The following TET1 variants were observed in gnomAD, a reference collection of about 807,000 sequenced individuals.
The protein encoded by TET1 is tet methylcytosine dioxygenase 1.
In TET1, 13 loss-of-function variants were observed where a neutral mutation model predicts 148.7. The observed-to-expected ratio is 0.09, with a 90% CI of 0.06 to 0.14. The LOEUF is 0.14. Among genes scored for constraint, TET1 ranks in the 10% least tolerant of loss-of-function variants. TET1 has a pLI of 1.00. For synonymous variants in TET1, 907 were observed against 937.2 expected (o/e 0.97, Z 0.59); for missense variants, 2,182 against 2,553.8 (o/e 0.85, Z 3.14).
chr10:68,632,372 T>C, intron 3 of TET1: 1 of 1,599,636 alleles, frequency 6.3e-7, no homozygotes, highest in Non-Finnish European at 8.6e-7. Context: ...GTAGTCCTCA[T>C]GGCCTCCACG....
chr10:68,658,209 T>G (rs1475066301), intron 6 of TET1, among the ~76,000 whole-genome samples: 1 of 152,164 alleles, frequency 6.6e-6, no homozygotes, highest in Non-Finnish European at 1.5e-5. Context: ...TTTTTTTAAG[T>G]TGTGTTTCTC....
At chr10:68,571,495 A>C (rs1225997148) in intron 1 of TET1, among the ~76,000 whole-genome samples, 1 of 148,610 alleles carries the variant, frequency 6.7e-6, no homozygotes, top group African/African-American at 2.5e-5. Context: ...TGGCCAGGCT[A>C]GTCTGAAACT....
chr10:68,667,658 G>T (rs921554049), intron 7 of TET1, among the ~76,000 whole-genome samples: 5 of 151,862 alleles, frequency 3.3e-5, no homozygotes, highest in Non-Finnish European at 7.4e-5. Context: ...GCAGGAGAAT[G>T]GTGTGAATCC....
At chr10:68,652,451 T>TACAG in intron 5 of TET1, 50 bp from the exon 6 acceptor site, 1 of 1,380,454 alleles carries the variant, frequency 7.2e-7, no homozygotes, top group Non-Finnish European at 1.0e-6. Flanking sequence ...AGCCTTCAAG[T>TACAG]ACAGATTGCA....
At chr10:68,654,590 C>T (rs1007325839) in intron 6 of TET1, among the ~76,000 whole-genome samples, 2 of 152,176 alleles carry the variant, frequency 1.3e-5, no homozygotes, top group Non-Finnish European at 2.9e-5. Context: ...GCACTCCAGC[C>T]TGGGAGACAG....
chr10:68,565,769 T>C (rs2053601619), intron 1 of TET1, among the ~76,000 whole-genome samples: 1 of 152,074 alleles, frequency 6.6e-6, no homozygotes, highest in Admixed American at 6.6e-5. Context: ...GAAGTTTATG[T>C]TTCAATAGTG....
chr10:68,652,729 C>T (rs918457141), intron 6 of TET1, 135 bp downstream of exon 6: 2 of 600,374 alleles, frequency 3.3e-6, no homozygotes, highest in Non-Finnish European at 5.3e-6. Context: ...GGCTTTGTCG[C>T]CCCGGCTGGA....
rs537751527 is a variant in TET1, at chr10:68,643,882, C to T, written c.1969-816C>T. On this transcript the variant is annotated intron_variant, in intron 3 of 11. Coordinates refer to ENST00000373644, the MANE Select transcript of TET1 (RefSeq NM_030625.3). ...ATAGATATTGCCTAATGAACACTACCGATGTAAAAGTAGTTTATTTTTTTA... is the reference window on the plus strand; with the variant it reads ...ATAGATATTGCCTAATGAACACTACTGATGTAAAAGTAGTTTATTTTTTTA... 5.5e-4 allele frequency among the ~76,000 whole-genome samples: 83 copies of T among 151,822 alleles called. 1 individual carries two copies. Among genetic ancestry groups the T allele is most frequent in the Middle Eastern group, 3.4e-3 (1 of 294 alleles).
At chr10:68,640,718 AT>A (rs758289113) in intron 3 of TET1, among the ~76,000 whole-genome samples, 4 of 150,064 alleles carry the variant, frequency 2.7e-5, no homozygotes, top group East Asian at 2.0e-4. Context: ...CACCCGGCTA[AT>A]TTTTTTGTAT....
At chr10:68,622,300 G>A (rs924577698) in intron 3 of TET1, among the ~76,000 whole-genome samples, 3 of 142,288 alleles carry the variant, frequency 2.1e-5, no homozygotes, top group Non-Finnish European at 4.5e-5. Flanking sequence ...TTGCTCTGTC[G>A]CCCAGTCTGG....
chr10:68,686,286 G>T, intron 10 of TET1, 70 bp from the exon 11 acceptor site: 1 of 1,328,408 alleles, frequency 7.5e-7, no homozygotes, highest in Non-Finnish European at 1.0e-6. Flanking sequence ...ACAACACGAA[G>T]GTAGGAATAG....
At chr10:68,618,960 C>G (rs949451806) in intron 3 of TET1, among the ~76,000 whole-genome samples, 2 of 152,072 alleles carry the variant, frequency 1.3e-5, no homozygotes, top group Admixed American at 1.3e-4. Flanking sequence ...GAATTAGACC[C>G]TGTCTCTTAA....
intron 3 of TET1, among the ~76,000 whole-genome samples, chr10:68,604,931 A>G (rs2054103405): frequency 6.6e-6 from 1 of 152,194 alleles, no homozygotes. Flanking sequence ...GCATTTATAC[A>G]TTCTGTAATT....
intron 3 of TET1, among the ~76,000 whole-genome samples, chr10:68,626,679 T>C (rs907160377): frequency 5.9e-5 from 9 of 151,708 alleles, no homozygotes; most frequent in Admixed American, 4.6e-4. Flanking sequence ...GCCTCTCGAG[T>C]AGCTGGGATT....
chr10:68,636,992 TGTGTGTGTGTGTGTGTGA>T, intron 3 of TET1, among the ~76,000 whole-genome samples: 2 of 149,500 alleles, frequency 1.3e-5, no homozygotes, highest in African/African-American at 5.1e-5. Context: ...TGTGTGTGTG[TGTGTGTGTGTGTGTGTGA>T]GTGTGTGTGA....
rs548879529 is a variant in TET1 at position 68,643,014 on chromosome 10, T to C, written c.1969-1684T>C. Among the ~76,000 whole-genome samples, 7 of 152,104 alleles carry C rather than the reference T, an allele frequency of 4.6e-5. No homozygotes were observed. The East Asian group carries it at 5.8e-4, about 13-fold the overall frequency. On this transcript the variant is annotated intron_variant, in intron 3 of 11. Transcript: ENST00000373644. ...GGCTCGTGTCTGTAACCCCAGTACT[T>C]TGGGAGGTCAAGGTGAGCAGACCAC...
At chr10:68,675,122 G>A (rs2055331734) in intron 8 of TET1, 1 of 436,512 alleles carries the variant, frequency 2.3e-6, no homozygotes, top group Non-Finnish European at 4.0e-6. Context: ...CAGACTTATA[G>A]TAGTGGCAAA....
At chr10:68,605,364 T>G (rs1035277534) in intron 3 of TET1, among the ~76,000 whole-genome samples, 8 of 152,034 alleles carry the variant, frequency 5.3e-5, no homozygotes, top group Non-Finnish European at 7.4e-5. Context: ...TCCCACCTAC[T>G]CGGGAGGCTG....
At chr10:68,595,919 CATATATATATATATATATATAT>C (rs374124558) in intron 2 of TET1, among the ~76,000 whole-genome samples, 12 of 34,530 alleles carry the variant, frequency 3.5e-4, no homozygotes, top group African/African-American at 6.0e-4. Flanking sequence ...CCAGCCAAAA[CATATATATATATATATATATAT>C]ATATATATAT....
Sources: gnomAD v4.1 joint callset for allele counts (sites outside exome capture counted in the v4.1 genomes callset) on GRCh38, gnomAD v4.1.1 for gene constraint, MANE v1.5 for transcripts, NCBI Gene and HGNC (gene_info 2026-07-23, HGNC 2026-07-21) for gene names.